Variants in NTRK3 observed in about 807,000 individuals in gnomAD.
NTRK3 encodes the protein neurotrophic receptor tyrosine kinase 3.
A neutral mutation model predicts 91.7 loss-of-function variants in NTRK3; 24 were observed. The observed-to-expected ratio is 0.26, with a 90% CI of 0.19 to 0.37. The LOEUF is 0.37. Among genes scored for constraint, NTRK3 ranks in the 10% least tolerant of loss-of-function variants. The probability of loss-of-function intolerance (pLI) is 1.00; values close to 1 mark genes in which losing one functional copy is unlikely to be tolerated. For synonymous variants in NTRK3, 483 were observed against 404.0 expected, an observed-to-expected ratio of 1.20 and a Z score of -2.34; for missense variants, 880 against 1,068.9, an observed-to-expected ratio of 0.82 and a Z score of 2.46.
At chr15:88,242,948 C>T (rs1278579121) in intron 3 of NTRK3, among the ~76,000 whole-genome samples, 1 of 152,200 alleles carries the variant, frequency 6.6e-6, no homozygotes, top group African/African-American at 2.4e-5. Flanking sequence ...TATGAGGCCG[C>T]CCCTCCAACA....
At chr15:88,181,193 C>T (rs1051066946) in intron 5 of NTRK3, among the ~76,000 whole-genome samples, 2 of 152,116 alleles carry the variant, frequency 1.3e-5, no homozygotes, top group Non-Finnish European at 2.9e-5. Context: ...CCAATGTGTC[C>T]AGGAGAAAAC....
intron 14 of NTRK3, among the ~76,000 whole-genome samples, chr15:88,023,314 C>T (rs550403533): frequency 6.6e-6 from 1 of 152,212 alleles, no homozygotes; most frequent in African/African-American, 2.4e-5. Context: ...CAGACTCATC[C>T]CTCCCTCCAG....
chr15:87,909,419 G>T (rs1453292747), intron 17 of NTRK3, among the ~76,000 whole-genome samples: 1 of 152,146 alleles, frequency 6.6e-6, no homozygotes, highest in African/African-American at 2.4e-5. Flanking sequence ...AGCAGCACTG[G>T]AATGACCTGG....
intron 3 of NTRK3, among the ~76,000 whole-genome samples, chr15:88,251,203 C>A (rs2053313456): frequency 6.6e-6 from 1 of 152,218 alleles, no homozygotes; most frequent in Admixed American, 6.5e-5. Flanking sequence ...AGGAGAATAA[C>A]CACTGTCCCA....
At chr15:87,938,260 G>A (rs544502547) in intron 15 of NTRK3, among the ~76,000 whole-genome samples, 6 of 152,308 alleles carry the variant, frequency 3.9e-5, no homozygotes, top group African/African-American at 1.4e-4. Flanking sequence ...CAACTGCTGG[G>A]CAAAACATTT....
intron 14 of NTRK3, among the ~76,000 whole-genome samples, chr15:88,017,397 A>G (rs191361850): frequency 2.6e-5 from 4 of 152,372 alleles, no homozygotes; most frequent in Admixed American, 1.3e-4. Context: ...CTAAGCATCC[A>G]TGAAGGCTTC....
chr15:87,948,373 T>C (rs1280931392), intron 14 of NTRK3, among the ~76,000 whole-genome samples: 1 of 152,222 alleles, frequency 6.6e-6, no homozygotes, highest in Non-Finnish European at 1.5e-5. Context: ...CAGAATTTTT[T>C]TAGAGGTCTA....
chr15:88,171,958 GC>G (rs1487327870), intron 5 of NTRK3, among the ~76,000 whole-genome samples: 1 of 152,238 alleles, frequency 6.6e-6, no homozygotes, highest in Non-Finnish European at 1.5e-5. Flanking sequence ...CATATTTCAG[GC>G]CTCGCCTGGA....
intron 5 of NTRK3, among the ~76,000 whole-genome samples, chr15:88,178,855 G>C (rs539930637): frequency 1.3e-5 from 2 of 152,166 alleles, no homozygotes; most frequent in Admixed American, 1.3e-4. Flanking sequence ...ATCCCCAGGG[G>C]GAAAGAGCAG....
In NTRK3 at chr15:87,929,173, C is replaced by G. The variant is rs763785090; in HGVS notation, c.2133+18G>C. 6.2e-7 allele frequency: 1 copy of G among 1,614,168 alleles called. No homozygotes were observed. The highest frequency in any genetic ancestry group is 8.5e-7 in the Non-Finnish European group (1 of 1,180,048). On this transcript the variant is annotated intron_variant, in intron 17 of 18. Transcript: ENST00000394480. ...CTAGCTCTGTGGCTGAGTCCTGCAGCTGGGAAAGTCACTTTACCCTGTAAT... is the reference window on the plus strand; with the variant it reads ...CTAGCTCTGTGGCTGAGTCCTGCAGGTGGGAAAGTCACTTTACCCTGTAAT...
intron 17 of NTRK3, among the ~76,000 whole-genome samples, chr15:87,897,658 G>C (rs2066206857): frequency 6.6e-6 from 1 of 152,056 alleles, no homozygotes; most frequent in Non-Finnish European, 1.5e-5. Context: ...TCCTTTTAAT[G>C]ATCCTAGATT....
chr15:88,179,203 T>G (rs1362980594), intron 5 of NTRK3, among the ~76,000 whole-genome samples: 1 of 152,210 alleles, frequency 6.6e-6, no homozygotes, highest in Non-Finnish European at 1.5e-5. Context: ...TTCCCTCTTC[T>G]TTTCTGATAC....
At chr15:88,256,194 AGGGGGGTGGGGTGG>A in intron 2 of NTRK3, 26 bp from the exon 3 acceptor site, 7 of 275,376 alleles carry the variant, frequency 2.5e-5, no homozygotes, top group Non-Finnish European at 3.9e-5. Flanking sequence ...AGGAGAGGAG[AGGGGGGTGGGGTGG>A]GGGGAGTGGG....
intron 17 of NTRK3, among the ~76,000 whole-genome samples, chr15:87,914,822 G>A (rs969442581): frequency 2.6e-5 from 4 of 152,226 alleles, no homozygotes; most frequent in Non-Finnish European, 2.9e-5. Context: ...ATGGAGGAAG[G>A]CAACCAAGAT....
chr15:88,207,724 C>G (rs2048914013), intron 3 of NTRK3, among the ~76,000 whole-genome samples: 1 of 128,856 alleles, frequency 7.8e-6, no homozygotes, highest in South Asian at 2.4e-4. Flanking sequence ...CCCAGATAAG[C>G]CAAGGCCCCT....
At chr15:88,162,597 C>G (rs1425030874) in intron 5 of NTRK3, among the ~76,000 whole-genome samples, 1 of 152,180 alleles carries the variant, frequency 6.6e-6, no homozygotes, top group Non-Finnish European at 1.5e-5. Flanking sequence ...TCAGCATACG[C>G]GCTAAATGGT....
chr15:88,002,640 G>T (rs1431818699), intron 14 of NTRK3, among the ~76,000 whole-genome samples: 1 of 143,290 alleles, frequency 7.0e-6, no homozygotes, highest in Non-Finnish European at 1.5e-5. Flanking sequence ...GAAATAAAAA[G>T]AGACAGTTTT....
chr15:88,071,004 T>C (rs1216405840), intron 13 of NTRK3, among the ~76,000 whole-genome samples: 3 of 152,220 alleles, frequency 2.0e-5, no homozygotes, highest in Non-Finnish European at 4.4e-5. Context: ...GACATCAGCC[T>C]GGGCCTGGAA....
At chr15:88,247,201 T>C (rs1322412519) in intron 3 of NTRK3, among the ~76,000 whole-genome samples, 2 of 152,180 alleles carry the variant, frequency 1.3e-5, no homozygotes, top group African/African-American at 4.8e-5. Context: ...TCCCTTCGTG[T>C]TCTCCTCTTC....
Sources: allele counts gnomAD v4.1 joint callset (sites outside exome capture counted in the v4.1 genomes callset), GRCh38; gene constraint gnomAD v4.1.1; transcripts MANE v1.5; gene names NCBI Gene and HGNC (gene_info 2026-07-23, HGNC 2026-07-21).